Variants in QKI observed in about 807,000 individuals in gnomAD.
The protein encoded by QKI is QKI, KH domain containing RNA binding.
QKI carries 10 observed loss-of-function variants against 39.0 expected under a neutral mutation model. The ratio of observed to expected loss-of-function variants is 0.26; its 90% CI spans 0.16 to 0.43. The LOEUF (loss-of-function observed/expected upper bound fraction) is 0.43, where lower values mean the gene tolerates loss of function less well. Among genes scored for constraint, QKI ranks in the 20% least tolerant of loss-of-function variants. QKI has a pLI of 1.00. For synonymous variants in QKI, 204 were observed against 155.4 expected (o/e 1.31, Z -2.33); for missense variants, 218 against 428.0 (o/e 0.51, Z 4.33).
chr6:163,461,960 GTT>G (rs1791388135), intron 2 of QKI, among the ~76,000 whole-genome samples: 1 of 152,080 alleles, frequency 6.6e-6, no homozygotes, highest in African/African-American at 2.4e-5. Flanking sequence ...ATGAGACTAT[GTT>G]TTCTTTTGAT....
At chr6:163,426,397 G>C (rs1330619917) in intron 1 of QKI, among the ~76,000 whole-genome samples, 1 of 152,150 alleles carries the variant, frequency 6.6e-6, no homozygotes, top group African/African-American at 2.4e-5. Flanking sequence ...TGTGTACTTT[G>C]TTATCTTACA....
intron 3 of QKI, among the ~76,000 whole-genome samples, chr6:163,522,516 G>A (rs1562510293): frequency 6.6e-6 from 1 of 152,038 alleles, no homozygotes; most frequent in Non-Finnish European, 1.5e-5. Flanking sequence ...CTTTTTGTGC[G>A]TTTGTTTTTG....
At chr6:163,459,739 A>G (rs762090447) in intron 2 of QKI, among the ~76,000 whole-genome samples, 2 of 152,238 alleles carry the variant, frequency 1.3e-5, no homozygotes, top group Non-Finnish European at 2.9e-5. Flanking sequence ...TTGTGATTAC[A>G]CATAAGAAAA....
intron 1 of QKI, among the ~76,000 whole-genome samples, chr6:163,435,508 CAT>C (rs1180266928): frequency 6.6e-6 from 1 of 152,290 alleles, no homozygotes; most frequent in East Asian, 1.9e-4. Flanking sequence ...ACATTGGAAT[CAT>C]AGGGTATTTT....
intron 3 of QKI, 82 bp from the exon 4 acceptor site, chr6:163,534,900 T>C (rs1475081698): frequency 6.3e-6 from 7 of 1,103,000 alleles, no homozygotes; most frequent in Non-Finnish European, 8.6e-6. Flanking sequence ...GCTGAAATAA[T>C]TGACAACAGG....
At chr6:163,476,935 T>A (rs1792649770) in intron 2 of QKI, among the ~76,000 whole-genome samples, 1 of 152,154 alleles carries the variant, frequency 6.6e-6, no homozygotes, top group Non-Finnish European at 1.5e-5. Flanking sequence ...TCACTATAGC[T>A]CTGTCAGATA....
At chr6:163,505,963 T>C (rs1779067570) in intron 3 of QKI, among the ~76,000 whole-genome samples, 1 of 152,094 alleles carries the variant, frequency 6.6e-6, no homozygotes, top group African/African-American at 2.4e-5. Context: ...TGGGAGGTGA[T>C]TGGATCATAG....
chr6:163,536,365 CATTTT>C (rs1781210776), intron 4 of QKI, among the ~76,000 whole-genome samples: 1 of 152,160 alleles, frequency 6.6e-6, no homozygotes, highest in African/African-American at 2.4e-5. Flanking sequence ...GCTTTAATAA[CATTTT>C]CTTTTCTGTA....
rs189637634 is a variant in QKI at position 163,541,115 on chromosome 6, A to G, written c.546+5990A>G. ...TGAGACTTTTCTTTTAAGGACATAC[A>G]TTCCTCTCTGAGTAATGTTTTAGCT... On this transcript the variant is annotated intron_variant, in intron 4 of 7. Coordinates refer to ENST00000361752, the MANE Select transcript of QKI (RefSeq NM_006775.3). Among the ~76,000 whole-genome samples, 213 of 152,212 alleles carry G rather than the reference A, an allele frequency of 1.4e-3. 1 individual carries two copies. Among genetic ancestry groups the G allele is most frequent in the African/African-American group, 4.8e-3 (199 of 41,576 alleles).
chr6:163,554,835 A>G (rs995704835), intron 4 of QKI, among the ~76,000 whole-genome samples: 1 of 152,228 alleles, frequency 6.6e-6, no homozygotes. Flanking sequence ...TTGCCTGGAC[A>G]ATGTTAAAGC....
chr6:163,466,639 C>T (rs548143812), intron 2 of QKI, among the ~76,000 whole-genome samples: 16 of 152,272 alleles, frequency 1.1e-4, no homozygotes, highest in African/African-American at 3.9e-4. Flanking sequence ...ATCGTCTCTT[C>T]AACAGTTGGT....
intron 7 of QKI, chr6:163,569,694 T>C (rs1783589008): frequency 1.0e-6 from 1 of 1,002,332 alleles, no homozygotes; most frequent in Non-Finnish European, 1.2e-6. Context: ...CAAAAGAAAA[T>C]AGTATTTACA....
intron 3 of QKI, among the ~76,000 whole-genome samples, chr6:163,483,486 T>A (rs1339234127): frequency 1.3e-5 from 2 of 152,010 alleles, no homozygotes; most frequent in Non-Finnish European, 2.9e-5. Flanking sequence ...TTATGTAATA[T>A]TATAAATTTT....
chr6:163,506,819 A>G (rs1779124755), intron 3 of QKI, among the ~76,000 whole-genome samples: 1 of 152,194 alleles, frequency 6.6e-6, no homozygotes, highest in African/African-American at 2.4e-5. Context: ...GAATTTATTA[A>G]TACTATTTTC....
At chr6:163,561,650 T>C (rs1783021289) in intron 4 of QKI, among the ~76,000 whole-genome samples, 1 of 152,210 alleles carries the variant, frequency 6.6e-6, no homozygotes, top group Admixed American at 6.5e-5. Flanking sequence ...AAATGATAGA[T>C]GCTGAAGAGA....
At chr6:163,441,810 T>C (rs1343662894) in intron 1 of QKI, among the ~76,000 whole-genome samples, 2 of 152,132 alleles carry the variant, frequency 1.3e-5, no homozygotes, top group African/African-American at 4.8e-5. Flanking sequence ...TAGCAATTCC[T>C]TGTGTGGACT....
intron 4 of QKI, among the ~76,000 whole-genome samples, chr6:163,544,105 T>G (rs1326488130): frequency 7.9e-5 from 12 of 152,074 alleles, no homozygotes; most frequent in Non-Finnish European, 1.5e-4. Flanking sequence ...AACTACAACC[T>G]GCATATACAT....
Position 163,576,095 on chromosome 6 carries a change from AC to A in QKI, c.*5387del, listed in dbSNP as rs1783961491. The A allele has an allele frequency of 6.6e-6, 1 of 152,180 alleles. No homozygotes were observed. Among genetic ancestry groups the A allele is most frequent in the Non-Finnish European group, 1.5e-5 (1 of 68,024 alleles). The allele number at this position is 152,180 out of a possible 1,614,324, so 9.4% of individuals were successfully genotyped here. On this transcript the variant is annotated 3_prime_UTR_variant, in exon 8 of 8. Transcript: ENST00000361752. ...TTTACATTGTCACGAATTCCTTAATACCTTTATTTAAAATGGAAAAAATATG... is the reference window on the plus strand; with the variant it reads ...TTTACATTGTCACGAATTCCTTAATACTTTATTTAAAATGGAAAAAATATG...
chr6:163,533,596 A>G (rs1399853043), intron 3 of QKI, among the ~76,000 whole-genome samples: 2 of 152,202 alleles, frequency 1.3e-5, no homozygotes, highest in African/African-American at 2.4e-5. Context: ...ACCGCTAACA[A>G]CCTAGCTTTG....
Sources: allele counts gnomAD v4.1 joint callset (sites outside exome capture counted in the v4.1 genomes callset), GRCh38; gene constraint gnomAD v4.1.1; transcripts MANE v1.5; gene names NCBI Gene and HGNC (gene_info 2026-07-23, HGNC 2026-07-21).